The following SLC9D1 variants were observed in gnomAD, a reference collection of about 807,000 sequenced individuals.
SLC9D1 encodes putative LAG1-interacting protein.
chr13:113,535,764 T>C, the SLC9D1 span, among the ~76,000 whole-genome samples: 3 of 152,094 alleles, frequency 2.0e-5, no homozygotes, highest in Non-Finnish European at 4.4e-5. This position sits in a 1 kb window ranked among gnomAD's most constrained non-coding sequence, Gnocchi z 4.1. Context: ...TTCCCAGGAA[T>C]TGAGGATGGG....
the SLC9D1 span, chr13:113,501,668 G>A: frequency 2.8e-6 from 3 of 1,087,362 alleles, no homozygotes; most frequent in Admixed American, 2.0e-5. Context: ...GGGGAACTAC[G>A]TCCTGTTCTG....
chr13:113,496,693 A>G, the SLC9D1 span, among the ~76,000 whole-genome samples: 3 of 152,252 alleles, frequency 2.0e-5, no homozygotes, highest in East Asian at 5.8e-4. Flanking sequence ...TGATATTATT[A>G]CACAGCATAA....
chr13:113,535,519 G>A, the SLC9D1 span, among the ~76,000 whole-genome samples: 1 of 152,208 alleles, frequency 6.6e-6, no homozygotes, highest in South Asian at 2.1e-4. The surrounding 1 kb of genome is among the most constrained non-coding windows in gnomAD (Gnocchi z 4.1). Flanking sequence ...GTTTATAGCA[G>A]CTTTATTCGT....
the SLC9D1 span, among the ~76,000 whole-genome samples, chr13:113,542,410 T>C: frequency 6.6e-6 from 1 of 152,060 alleles, no homozygotes; most frequent in Non-Finnish European, 1.5e-5. Flanking sequence ...CGCCGAGATG[T>C]GTGCTCTCAG....
chr13:113,530,934 C>A, the SLC9D1 span, among the ~76,000 whole-genome samples: 1 of 152,230 alleles, frequency 6.6e-6, no homozygotes, highest in African/African-American at 2.4e-5. Flanking sequence ...TGGCACCACC[C>A]GCCCATCAGA....
chr13:113,495,775 A>G, the SLC9D1 span: 15 of 1,614,054 alleles, frequency 9.3e-6, no homozygotes, highest in Non-Finnish European at 1.3e-5. Flanking sequence ...CGCCAGAAGA[A>G]TGCAGTTCTG....
the SLC9D1 span, among the ~76,000 whole-genome samples, chr13:113,541,227 A>G: frequency 2.6e-5 from 4 of 151,920 alleles, no homozygotes; most frequent in Non-Finnish European, 4.4e-5. Context: ...TATGCCACGC[A>G]CACGATTGCT....
the SLC9D1 span, chr13:113,536,544 C>T: frequency 1.0e-6 from 1 of 984,140 alleles, no homozygotes; most frequent in Admixed American, 6.2e-5. Context: ...TTGAAAATAA[C>T]TCCCAGCAGA....
chr13:113,549,993 G>A, the SLC9D1 span: 7 of 288,418 alleles, frequency 2.4e-5, no homozygotes, highest in South Asian at 1.5e-4. Context: ...AATCCTGGCC[G>A]TGAGCTTGGA....
chr13:113,542,725 T>C, the SLC9D1 span, among the ~76,000 whole-genome samples: 1 of 152,178 alleles, frequency 6.6e-6, no homozygotes, highest in Non-Finnish European at 1.5e-5. Context: ...CCCTGGCAGC[T>C]GTCCACTCAG....
At chr13:113,501,510 C>T in the SLC9D1 span, among the ~76,000 whole-genome samples, 3 of 152,090 alleles carry the variant, frequency 2.0e-5, no homozygotes, top group African/African-American at 4.8e-5. Context: ...CCAAAGATAC[C>T]GAGGGGTGAC....
the SLC9D1 span, among the ~76,000 whole-genome samples, chr13:113,525,997 T>A: frequency 6.6e-6 from 1 of 151,160 alleles, no homozygotes; most frequent in Admixed American, 6.6e-5. Context: ...TGCCGGTTAT[T>A]CTAGAAGAAG....
chr13:113,544,699 C>T, the SLC9D1 span, among the ~76,000 whole-genome samples: 1 of 152,262 alleles, frequency 6.6e-6, no homozygotes, highest in Non-Finnish European at 1.5e-5. Flanking sequence ...ACAGATGGTG[C>T]CTCCTGGCTG....
chr13:113,535,293 T>G, the SLC9D1 span: 3 of 152,248 alleles, frequency 2.0e-5, no homozygotes, highest in African/African-American at 7.2e-5. This position sits in a 1 kb window ranked among gnomAD's most constrained non-coding sequence, Gnocchi z 4.1. Context: ...GAAAGTGGGC[T>G]TCTGCTTACC....
chr13:113,515,890 C>CAAAAAAAAAAAAAAAAAAAAAAAAAA, the SLC9D1 span, among the ~76,000 whole-genome samples: 1 of 79,066 alleles, frequency 1.3e-5, no homozygotes, highest in African/African-American at 4.9e-5. Context: ...GACTCCGTCC[C>CAAAAAAAAAAAAAAAAAAAAAAAAAA]AAAAAAAAAA....
chr13:113,547,421 T>C, the SLC9D1 span: 1 of 1,494,532 alleles, frequency 6.7e-7, no homozygotes, highest in Non-Finnish European at 9.3e-7. Context: ...GTTTGCAGGC[T>C]CAGCATAGCC....
At chr13:113,533,161 C>T in the SLC9D1 span, among the ~76,000 whole-genome samples, 1 of 122,292 alleles carries the variant, frequency 8.2e-6, no homozygotes, top group African/African-American at 3.7e-5. Flanking sequence ...GACGCTGCCT[C>T]CCTCCTGAAG....
At chr13:113,538,803 G>C in the SLC9D1 span, among the ~76,000 whole-genome samples, 2 of 152,260 alleles carry the variant, frequency 1.3e-5, no homozygotes, top group Non-Finnish European at 2.9e-5. Flanking sequence ...GCTGCCATAA[G>C]CCTGCGTTTC....
the SLC9D1 span, chr13:113,511,946 C>G: frequency 6.6e-6 from 1 of 151,008 alleles, no homozygotes; most frequent in African/African-American, 2.5e-5. Context: ...GTCACGGAGG[C>G]CGGGACTGGA....
Sources: allele counts gnomAD v4.1 joint callset (sites outside exome capture counted in the v4.1 genomes callset), GRCh38; gene constraint gnomAD v4.1.1; non-coding constraint Gnocchi (gnomAD v3.1); transcripts MANE v1.5; gene names NCBI Gene and HGNC (gene_info 2026-07-23, HGNC 2026-07-21).